The following GLI3 variants were observed in gnomAD, a reference collection of about 807,000 sequenced individuals.
The protein encoded by GLI3 is GLI family zinc finger 3.
A neutral mutation model predicts 100.8 loss-of-function variants in GLI3; 20 were observed. The observed-to-expected ratio is 0.20, with a 90% confidence interval of 0.14 to 0.29. GLI3 has a LOEUF of 0.29. Among genes scored for constraint, GLI3 ranks in the 10% least tolerant of loss-of-function variants. The probability of loss-of-function intolerance (pLI) is 1.00; values close to 1 mark genes in which losing one functional copy is unlikely to be tolerated. For synonymous variants in GLI3, 938 were observed against 860.5 expected, an observed-to-expected ratio of 1.09 and a Z score of -1.58; for missense variants, 2,040 against 2,128.5, an observed-to-expected ratio of 0.96 and a Z score of 0.82.
At chr7:42,152,241 C>G (rs76288628) in intron 2 of GLI3, 184 of 210,586 alleles carry the variant, frequency 8.7e-4, no homozygotes, top group African/African-American at 4.1e-3. Flanking sequence ...GTGTTCACCC[C>G]CTTTTCCCAC....
intron 2 of GLI3, among the ~76,000 whole-genome samples, chr7:42,190,695 T>C (rs2128687787): frequency 6.6e-6 from 1 of 152,216 alleles, no homozygotes; most frequent in African/African-American, 2.4e-5. Context: ...ACAAATGCAA[T>C]CTCAATACCA....
At chr7:42,030,494 A>G (rs1192915292) in intron 7 of GLI3, among the ~76,000 whole-genome samples, 1 of 152,218 alleles carries the variant, frequency 6.6e-6, no homozygotes, top group South Asian at 2.1e-4. Context: ...AAGCAGTATT[A>G]CACAAACGAA....
At chr7:42,096,733 G>C (rs1287213072) in intron 3 of GLI3, among the ~76,000 whole-genome samples, 2 of 152,208 alleles carry the variant, frequency 1.3e-5, no homozygotes, top group African/African-American at 4.8e-5. Flanking sequence ...AGCATGGAGA[G>C]TAAGCAGCAA....
At chr7:42,251,636 G>A (rs572819192) in intron 1 of GLI3, among the ~76,000 whole-genome samples, 2 of 152,122 alleles carry the variant, frequency 1.3e-5, no homozygotes, top group Non-Finnish European at 1.5e-5. Flanking sequence ...GCATTTGGGG[G>A]TTCCTACTAC....
At chr7:42,142,996 T>C (rs531826393) in intron 3 of GLI3, among the ~76,000 whole-genome samples, 2 of 149,360 alleles carry the variant, frequency 1.3e-5, no homozygotes, top group South Asian at 4.2e-4. Context: ...CTTAAAACAT[T>C]ACCTCTGGAT....
At chr7:42,096,379 C>T (rs1047976597) in intron 3 of GLI3, among the ~76,000 whole-genome samples, 15 of 152,164 alleles carry the variant, frequency 9.9e-5, no homozygotes, top group African/African-American at 3.6e-4. Flanking sequence ...CAGGAACGGG[C>T]TGGCTTTAAA....
intron 10 of GLI3, among the ~76,000 whole-genome samples, chr7:41,992,432 G>C (rs2128718579): frequency 1.3e-5 from 2 of 152,286 alleles, no homozygotes; most frequent in East Asian, 3.9e-4. Flanking sequence ...AGATCCCACA[G>C]AGAAGACAAT....
intron 1 of GLI3, among the ~76,000 whole-genome samples, chr7:42,236,511 C>T (rs531579464): frequency 5.9e-4 from 90 of 152,276 alleles, no homozygotes; most frequent in Non-Finnish European, 1.1e-3. Context: ...GGCGGAGGTC[C>T]CCGCGCGCAC....
intron 4 of GLI3, among the ~76,000 whole-genome samples, chr7:42,069,133 C>T (rs948568199): frequency 6.6e-6 from 1 of 152,150 alleles, no homozygotes; most frequent in African/African-American, 2.4e-5. Context: ...CTGGACCGTG[C>T]TGCTGAGCGC....
intron 2 of GLI3, among the ~76,000 whole-genome samples, chr7:42,191,940 G>T (rs1787836365): frequency 6.6e-6 from 1 of 151,696 alleles, no homozygotes; most frequent in Non-Finnish European, 1.5e-5. Context: ...AAGCCAAAAG[G>T]TCATACAAGC....
chr7:42,150,565 G>T (rs148738210), intron 2 of GLI3, among the ~76,000 whole-genome samples: 47 of 152,198 alleles, frequency 3.1e-4, no homozygotes, highest in African/African-American at 1.1e-3. Context: ...TAGCACTGAG[G>T]TGCAAATTCT....
chr7:42,260,416 A>G (rs1483438392), intron 1 of GLI3, among the ~76,000 whole-genome samples: 1 of 152,222 alleles, frequency 6.6e-6, no homozygotes, highest in Non-Finnish European at 1.5e-5. Flanking sequence ...TGGTAAGATG[A>G]CCATAACACA....
chr7:42,067,780 G>A lies in GLI3; in HGVS notation c.473+8972C>T, dbSNP rs573141680. Among the ~76,000 whole-genome samples, 13 of 152,092 alleles carry A rather than the reference G, an allele frequency of 8.5e-5. No individual in the cohort carries two copies. In the South Asian group the frequency reaches 2.7e-3, roughly 32 times the overall value. On this transcript the variant is annotated intron_variant, in intron 4 of 14. Coordinates refer to ENST00000395925, the MANE Select transcript of GLI3 (RefSeq NM_000168.6). ...TGTATGGGGGAACCTTAAAAAAAAA[G>A]CCTTAAAGAGAATGTCTTCAAGGGC...
intron 3 of GLI3, among the ~76,000 whole-genome samples, chr7:42,103,527 C>T (rs76815629): frequency 0.026 from 3,931 of 152,228 alleles, 61 homozygotes; most frequent in African/African-American, 0.033. Flanking sequence ...CTGAAAGCAG[C>T]TCACTATGTA....
At chr7:41,981,992 G>C (rs923450789) in intron 10 of GLI3, among the ~76,000 whole-genome samples, 1 of 152,112 alleles carries the variant, frequency 6.6e-6, no homozygotes, top group Non-Finnish European at 1.5e-5. Context: ...GTCTCCATGT[G>C]GGGAGGGGTG....
intron 5 of GLI3, among the ~76,000 whole-genome samples, chr7:42,046,680 T>C (rs899843591): frequency 1.4e-4 from 21 of 152,194 alleles, no homozygotes; most frequent in African/African-American, 5.1e-4. Context: ...AATAAATTTC[T>C]GCAGGCCAGG....
chr7:42,224,781 T>C (rs1278219112), intron 1 of GLI3, among the ~76,000 whole-genome samples: 1 of 152,238 alleles, frequency 6.6e-6, no homozygotes, highest in Non-Finnish European at 1.5e-5. Context: ...CAGGGCTACC[T>C]GCATGGCGCC....
Position 42,035,542 on chromosome 7 carries a change from G to T in GLI3, c.1028+4496C>A, listed in dbSNP as rs1184769198. On this transcript the variant is annotated intron_variant, in intron 7 of 14. Transcript: ENST00000395925. ...CATTTTCACTGAGATCTCTTTCCTG[G>T]TCACACCAGAATTAAAACCACTAAG... is the stretch of plus-strand genomic sequence containing the variant. Among the ~76,000 whole-genome samples the T allele has an allele frequency of 2.0e-5, 3 of 152,142 alleles. No homozygotes were observed. The South Asian group carries it at 6.2e-4, about 31-fold the overall frequency.
At chr7:42,140,797 C>T (rs1786549748) in intron 3 of GLI3, among the ~76,000 whole-genome samples, 1 of 152,128 alleles carries the variant, frequency 6.6e-6, no homozygotes, top group African/African-American at 2.4e-5. Flanking sequence ...AGGTAACATT[C>T]TTTAATTATA....
Sources: gnomAD v4.1 joint callset for allele counts (sites outside exome capture counted in the v4.1 genomes callset) on GRCh38, gnomAD v4.1.1 for gene constraint, MANE v1.5 for transcripts, NCBI Gene and HGNC (gene_info 2026-07-23, HGNC 2026-07-21) for gene names.